KIF16B: variants seen among roughly 807,000 people sequenced by gnomAD.
KIF16B encodes the protein kinesin family member 16B.
In KIF16B, 98 loss-of-function variants were observed where a neutral mutation model predicts 156.3. The ratio of observed to expected loss-of-function variants is 0.63; its 90% CI spans 0.53 to 0.74. The LOEUF (loss-of-function observed/expected upper bound fraction) is 0.74. KIF16B is among the 30% of genes least tolerant of loss of function. The probability of loss-of-function intolerance (pLI) is 0.00; values close to 1 mark genes in which losing one functional copy is unlikely to be tolerated. For synonymous variants in KIF16B, 564 were observed against 583.7 expected, an observed-to-expected ratio of 0.97 and a Z score of 0.49; for missense variants, 1,421 against 1,606.5, an observed-to-expected ratio of 0.88 and a Z score of 1.97.
At chr20:16,372,704 T>C (rs950610525) in intron 20 of KIF16B, among the ~76,000 whole-genome samples, 1 of 152,206 alleles carries the variant, frequency 6.6e-6, no homozygotes, top group Non-Finnish European at 1.5e-5. Context: ...AGATGCATTA[T>C]TATTATTTTT....
At chr20:16,279,669 T>C (rs1021248643) in intron 25 of KIF16B, among the ~76,000 whole-genome samples, 1 of 152,034 alleles carries the variant, frequency 6.6e-6, no homozygotes, top group Non-Finnish European at 1.5e-5. Flanking sequence ...CTCTGGAGAA[T>C]CACATTTCAG....
intron 1 of KIF16B, among the ~76,000 whole-genome samples, chr20:16,532,392 T>A (rs114106623): frequency 6.6e-6 from 1 of 152,114 alleles, no homozygotes; most frequent in African/African-American, 2.4e-5. Context: ...CTACAGCAGA[T>A]TCCCAGGGCC....
At chr20:16,329,543 T>G (rs569996684) in intron 24 of KIF16B, among the ~76,000 whole-genome samples, 51 of 152,332 alleles carry the variant, frequency 3.3e-4, no homozygotes, top group African/African-American at 1.2e-3. Flanking sequence ...TACTTCATAG[T>G]TGCTTTCAAT....
chr20:16,279,585 A>C (rs886746931), intron 25 of KIF16B, among the ~76,000 whole-genome samples: 2 of 152,172 alleles, frequency 1.3e-5, no homozygotes, highest in Non-Finnish European at 2.9e-5. Context: ...AAGCTCCTCC[A>C]GGGCTAGTCT....
chr20:16,550,487 T>C (rs986933863), intron 1 of KIF16B, among the ~76,000 whole-genome samples: 1 of 151,816 alleles, frequency 6.6e-6, no homozygotes, highest in Admixed American at 6.6e-5. Flanking sequence ...CATTTTCGTT[T>C]TTTTTCCCCC....
chr20:16,297,951 T>A (rs2063416140), intron 25 of KIF16B, among the ~76,000 whole-genome samples: 1 of 151,686 alleles, frequency 6.6e-6, no homozygotes. Context: ...CTCCCACCAT[T>A]CTCTCCACAG....
chr20:16,338,827 C>T (rs1424731873), intron 23 of KIF16B, among the ~76,000 whole-genome samples: 1 of 152,204 alleles, frequency 6.6e-6, no homozygotes, highest in East Asian at 1.9e-4. Context: ...TCTGTGCACT[C>T]TTCCATTCTC....
chr20:16,357,236 C>G (rs114292831), intron 22 of KIF16B, among the ~76,000 whole-genome samples: 2,371 of 152,270 alleles, frequency 0.016, 59 homozygotes, highest in African/African-American at 0.053. Flanking sequence ...TTATAGTTAG[C>G]ATTTATTGGA....
At chr20:16,449,432 A>G (rs2067021192) in intron 12 of KIF16B, among the ~76,000 whole-genome samples, 1 of 152,232 alleles carries the variant, frequency 6.6e-6, no homozygotes, top group South Asian at 2.1e-4. Context: ...TTTGAGGGGA[A>G]AAGATCAAGA....
chr20:16,360,360 A>T (rs2123189064), intron 22 of KIF16B, among the ~76,000 whole-genome samples: 1 of 152,284 alleles, frequency 6.6e-6, no homozygotes. Flanking sequence ...ATCCCATTAT[A>T]TCCCATTATT....
intron 22 of KIF16B, among the ~76,000 whole-genome samples, chr20:16,366,381 G>T (rs2064667231): frequency 6.6e-6 from 1 of 152,204 alleles, no homozygotes; most frequent in African/African-American, 2.4e-5. Flanking sequence ...GAGAAAGTGA[G>T]ACTCTGAGAT....
intron 25 of KIF16B, among the ~76,000 whole-genome samples, chr20:16,285,167 G>C (rs2063204810): frequency 6.6e-6 from 1 of 152,112 alleles, no homozygotes; most frequent in Middle Eastern, 3.4e-3. Flanking sequence ...ACATGTGACT[G>C]GTGGCTACTG....
chr20:16,468,785 G>C (rs1284074959), intron 12 of KIF16B, among the ~76,000 whole-genome samples: 1 of 152,024 alleles, frequency 6.6e-6, no homozygotes, highest in East Asian at 1.9e-4. Context: ...CACACATCCA[G>C]TAGGCAGAAA....
rs774207782 is a variant in KIF16B, at chr20:16,541,427, C to T, written c.48-12987G>A. On this transcript the variant is annotated intron_variant, in intron 1 of 25. Coordinates refer to ENST00000354981, the MANE Select transcript of KIF16B (RefSeq NM_024704.5). ...TGAGAAACTGGCACAGCCTCCACTC[C>T]GTCCCCCATGGGCTGCCAGTACGGA... 6.4e-4 allele frequency among the ~76,000 whole-genome samples: 98 copies of T among 152,206 alleles called. 3 individuals are homozygous for T. Among genetic ancestry groups the T allele is most frequent in the Non-Finnish European group, 4.8e-4 (33 of 68,042 alleles).
chr20:16,481,616 T>C (rs1334736173), intron 12 of KIF16B, among the ~76,000 whole-genome samples: 6 of 152,200 alleles, frequency 3.9e-5, no homozygotes, highest in Non-Finnish European at 8.8e-5. Flanking sequence ...CTGCTGGGAA[T>C]GCCAGCACAC....
chr20:16,537,766 C>T (rs562204590), intron 1 of KIF16B, among the ~76,000 whole-genome samples: 1 of 140,654 alleles, frequency 7.1e-6, no homozygotes, highest in African/African-American at 2.7e-5. Flanking sequence ...TGCAGTGACA[C>T]AATCTTGGCT....
chr20:16,354,838 C>T (rs777895241), intron 23 of KIF16B, among the ~76,000 whole-genome samples: 3 of 151,958 alleles, frequency 2.0e-5, no homozygotes, highest in Non-Finnish European at 2.9e-5. Context: ...CCCAGCTACT[C>T]GGGAAGCTGA....
chr20:16,398,180 G>T (rs2065560240), intron 17 of KIF16B, among the ~76,000 whole-genome samples: 2 of 152,184 alleles, frequency 1.3e-5, no homozygotes, highest in Admixed American at 6.5e-5. Flanking sequence ...AGAGGAAGAG[G>T]ACTGGCCAAG....
intron 15 of KIF16B, among the ~76,000 whole-genome samples, chr20:16,415,105 T>C (rs1026037369): frequency 2.0e-5 from 3 of 152,218 alleles, no homozygotes; most frequent in African/African-American, 7.2e-5. Context: ...TATCTGTATA[T>C]GGAATAGGTC....
Sources: gnomAD v4.1 joint callset for allele counts (sites outside exome capture counted in the v4.1 genomes callset) on GRCh38, gnomAD v4.1.1 for gene constraint, MANE v1.5 for transcripts, NCBI Gene and HGNC (gene_info 2026-07-23, HGNC 2026-07-21) for gene names.